DIP2C: variants seen among roughly 807,000 people sequenced by gnomAD.
DIP2C encodes the protein disco-interacting protein 2 homolog C.
Under a neutral mutation model 192.4 loss-of-function variants are expected in DIP2C, and 33 were observed. The ratio of observed to expected loss-of-function variants is 0.17; its 90% CI spans 0.13 to 0.23. DIP2C has a LOEUF of 0.23. DIP2C is among the 10% of genes least tolerant of loss of function. The pLI, the probability that DIP2C is intolerant of heterozygous loss-of-function variation, is 1.00. For missense variants in DIP2C, 1,537 were observed against 2,110.1 expected (o/e 0.73, Z 5.32); for synonymous variants, 979 against 864.1 (o/e 1.13, Z -2.33).
chr10:565,104 T>C (rs1297052473), intron 1 of DIP2C, among the ~76,000 whole-genome samples: 1 of 152,036 alleles, frequency 6.6e-6, no homozygotes, highest in African/African-American at 2.4e-5. Flanking sequence ...ACTCCCCTAA[T>C]TGGTTAGGAA....
rs990621114 is a variant in DIP2C, at chr10:435,837, C to T, written c.394+5034G>A. On this transcript the variant is annotated intron_variant, in intron 4 of 36. Coordinates refer to ENST00000280886, the MANE Select transcript of DIP2C (RefSeq NM_014974.3). ...CTTTGACACATTTTAATTTGATTCC[C>T]GAAATATTTATAATTGTAGATTTAA... Among the ~76,000 whole-genome samples, 3 of 152,016 alleles carry T rather than the reference C, an allele frequency of 2.0e-5. No homozygotes were observed. The East Asian group carries it at 5.8e-4, about 29-fold the overall frequency.
At chr10:581,059 G>A (rs1017215651) in intron 1 of DIP2C, among the ~76,000 whole-genome samples, 4 of 152,200 alleles carry the variant, frequency 2.6e-5, no homozygotes, top group African/African-American at 9.6e-5. Flanking sequence ...GTCCCAGGGT[G>A]AGGGCAACAC....
At chr10:449,804 A>AGT (rs1968694469) in intron 3 of DIP2C, among the ~76,000 whole-genome samples, 1 of 134,912 alleles carries the variant, frequency 7.4e-6, no homozygotes, top group African/African-American at 3.8e-5. Flanking sequence ...AAAAAGAAGT[A>AGT]AACACATTCA....
chr10:674,683 CACTTGA>C (rs1830793798), intron 1 of DIP2C, among the ~76,000 whole-genome samples: 2 of 151,226 alleles, frequency 1.3e-5, no homozygotes, highest in South Asian at 4.2e-4. Context: ...GCAGGAGAAT[CACTTGA>C]ACTTGGGAGG....
intron 1 of DIP2C, among the ~76,000 whole-genome samples, chr10:507,581 T>TG (rs1480794641): frequency 6.6e-6 from 1 of 152,248 alleles, no homozygotes; most frequent in Non-Finnish European, 1.5e-5. Flanking sequence ...GTGACGGACC[T>TG]GGTCATCAGC....
At chr10:362,454 C>T (rs1292698621) in intron 22 of DIP2C, 36 bp downstream of exon 22, 2 of 1,605,430 alleles carry the variant, frequency 1.2e-6, no homozygotes, top group South Asian at 2.2e-5. Flanking sequence ...CAAGGGAACT[C>T]CCGCACCTCA....
At chr10:549,826 G>T (rs1291175226) in intron 1 of DIP2C, among the ~76,000 whole-genome samples, 2 of 152,018 alleles carry the variant, frequency 1.3e-5, no homozygotes. Context: ...AATTCACATA[G>T]ATCTGAGTCC....
Position 651,252 on chromosome 10 carries a change from T to C in DIP2C, c.85+38242A>G. The stretch of plus-strand genomic sequence containing the variant: ...CCAATGATGGCGTCACAGCGTGGGT[T>C]CCGGTCACCAGTCGGCCTCCCCCAC... On this transcript the variant is annotated intron_variant, in intron 1 of 36. Coordinates refer to ENST00000280886, the MANE Select transcript of DIP2C (RefSeq NM_014974.3). This position sits in a 1 kb window ranked among gnomAD's most constrained non-coding sequence, Gnocchi z 4.1. 1.4e-6 allele frequency: 1 copy of C among 715,938 alleles called. No individual in the cohort carries two copies. The highest frequency in any genetic ancestry group is 2.6e-6 in the Non-Finnish European group (1 of 385,098). 44.3% of individuals were successfully genotyped at this position (715,938 alleles called of 1,614,324 possible).
intron 3 of DIP2C, 89 bp from the exon 4 acceptor site, chr10:441,085 C>A: frequency 1.4e-6 from 2 of 1,427,164 alleles, no homozygotes; most frequent in South Asian, 1.5e-5. Flanking sequence ...CAGCACAGTT[C>A]ATCCACCTTC....
chr10:390,306 G>T lies in DIP2C; in HGVS notation c.1452C>A (p.Phe484Leu). ...KHLSKPPRDW[F>L]PHIKDANNDT... The stretch of plus-strand genomic sequence containing the variant: ...CGTTATTGGCATCTTTAATGTGTGG[G>T]AACCAGTCTCGGGGCGGTTTGGAGA... Residue 484 changes from phenylalanine (F) to leucine (L), a missense_variant, in exon 12 of 37, where the codon TTC becomes TTA. Coordinates refer to ENST00000280886, the MANE Select transcript of DIP2C (RefSeq NM_014974.3). 1 of 1,614,004 alleles carries T rather than the reference G, an allele frequency of 6.2e-7. No individual in the cohort carries two copies. Among genetic ancestry groups the T allele is most frequent in the Non-Finnish European group, 8.5e-7 (1 of 1,180,026 alleles).
intron 1 of DIP2C, among the ~76,000 whole-genome samples, chr10:539,983 C>T (rs1219034450): frequency 1.3e-5 from 2 of 152,108 alleles, no homozygotes; most frequent in Non-Finnish European, 2.9e-5. Context: ...ATCAAAAAAG[C>T]CATTTGCAGA....
At position 288,429 on chromosome 10, in the gene DIP2C, CAGAAAG is replaced by C; in HGVS notation, c.3987-14_3987-9del. On this transcript the variant is annotated splice_polypyrimidine_tract_variant and intron_variant, in intron 32 of 36. Coordinates refer to ENST00000280886, the MANE Select transcript of DIP2C (RefSeq NM_014974.3). ...CTTTCCACTAAGCGGACTCTGCAAA[CAGAAAG>C]AGAAAATATTCCTAGATGTGTTTGC... 3 of 1,613,832 alleles carry C rather than the reference CAGAAAG, an allele frequency of 1.9e-6. No homozygotes were observed. The highest frequency in any genetic ancestry group is 2.5e-6 in the Non-Finnish European group (3 of 1,179,848).
chr10:383,920 CT>C, intron 16 of DIP2C, 106 bp downstream of exon 16: 1 of 1,355,226 alleles, frequency 7.4e-7, no homozygotes, highest in Non-Finnish European at 9.5e-7. Context: ...AGAATGAAAC[CT>C]GGGGAAAAAA....
chr10:545,517 T>C (rs531080974), intron 1 of DIP2C, among the ~76,000 whole-genome samples: 1 of 152,224 alleles, frequency 6.6e-6, no homozygotes, highest in African/African-American at 2.4e-5. Flanking sequence ...TGCACACACA[T>C]AAGAGAAACC....
intron 1 of DIP2C, among the ~76,000 whole-genome samples, chr10:512,453 T>C (rs1029694819): frequency 1.3e-5 from 2 of 152,118 alleles, no homozygotes; most frequent in African/African-American, 4.8e-5. Context: ...GATATGTATC[T>C]AGTCCCAGCT....
At chr10:315,727 C>T (rs911678911) in intron 31 of DIP2C, among the ~76,000 whole-genome samples, 24 of 152,218 alleles carry the variant, frequency 1.6e-4, no homozygotes, top group Non-Finnish European at 2.9e-5. Flanking sequence ...TTCTTCCCTT[C>T]ACTCCTGGCC....
At chr10:552,397 T>C (rs1004658274) in intron 1 of DIP2C, among the ~76,000 whole-genome samples, 1 of 152,196 alleles carries the variant, frequency 6.6e-6, no homozygotes, top group Non-Finnish European at 1.5e-5. Context: ...AAGTAAAAGG[T>C]TGTTTATACT....
intron 1 of DIP2C, among the ~76,000 whole-genome samples, chr10:590,022 A>T (rs895537337): frequency 1.3e-5 from 2 of 152,258 alleles, no homozygotes; most frequent in East Asian, 3.8e-4. Context: ...AGTATAGTTC[A>T]AACAGGAGAA....
Position 592,463 on chromosome 10 carries a change from G to A in DIP2C, c.85+97031C>T, listed in dbSNP as rs76369780. Among the ~76,000 whole-genome samples, 5 of 152,246 alleles carry A rather than the reference G, an allele frequency of 3.3e-5. No individual in the cohort carries two copies. In the East Asian group the frequency reaches 9.6e-4, roughly 29 times the overall value. On this transcript the variant is annotated intron_variant, in intron 1 of 36. Coordinates refer to ENST00000280886, the MANE Select transcript of DIP2C (RefSeq NM_014974.3). The stretch of plus-strand genomic sequence containing the variant: ...ATGAATGACGGTTTGTTCCCACCAT[G>A]GAATATTCCTCAGCAGTGAAAATAA...
Sources: allele counts gnomAD v4.1 joint callset (sites outside exome capture counted in the v4.1 genomes callset), GRCh38; gene constraint gnomAD v4.1.1; non-coding constraint Gnocchi (gnomAD v3.1); transcripts MANE v1.5; gene names NCBI Gene and HGNC (gene_info 2026-07-23, HGNC 2026-07-21).